The following MKNK2 variants were observed in gnomAD, a reference collection of about 807,000 sequenced individuals.
MKNK2 encodes MAPK interacting serine/threonine kinase 2.
A neutral mutation model predicts 55.0 loss-of-function variants in MKNK2; 54 were observed. The ratio of observed to expected loss-of-function variants is 0.98; its 90% confidence interval spans 0.79 to 1.23. The LOEUF (loss-of-function observed/expected upper bound fraction) is 1.23. Among genes scored for constraint, MKNK2 ranks in the 50% most tolerant of loss-of-function variants. The pLI, the probability that MKNK2 is intolerant of heterozygous loss-of-function variation, is 0.00. For missense variants in MKNK2, 685 were observed against 632.1 expected, an observed-to-expected ratio of 1.08 and a Z score of -0.90; for synonymous variants, 323 against 256.0, an observed-to-expected ratio of 1.26 and a Z score of -2.50.
chr19:2,049,020 T>C (rs2017057258), intron 2 of MKNK2, among the ~76,000 whole-genome samples: 1 of 151,482 alleles, frequency 6.6e-6, no homozygotes, highest in Non-Finnish European at 1.5e-5. Flanking sequence ...CTCACGAGAG[T>C]GAAATGACCT....
chr19:2,037,943 T>C lies in MKNK2; in HGVS notation c.*1670A>G, dbSNP rs1247747467. ...GGGGGTCCATTTGCTTGTTCTTTGA[T>C]ACAAAAAGGCAGAGAATCCCCCGTT... On this transcript the variant is annotated 3_prime_UTR_variant, in exon 14 of 14. Coordinates refer to ENST00000250896, the MANE Select transcript of MKNK2 (RefSeq NM_199054.3). 2.2e-6 allele frequency: 3 copies of C among 1,388,742 alleles called. No individual in the cohort carries two copies. The highest frequency in any genetic ancestry group is 2.6e-5 in the East Asian group (1 of 38,806). 86.0% of individuals were successfully genotyped at this position (1,388,742 alleles called of 1,614,324 possible). A position where few individuals can be genotyped will look rare whatever the true frequency, so the allele number is the denominator to read the frequency against.
At chr19:2,040,774 CTGCAGGCTGT>C (rs2016859923) in intron 12 of MKNK2, 1 of 520,846 alleles carries the variant, frequency 1.9e-6, no homozygotes, top group African/African-American at 1.9e-5. Flanking sequence ...CTCCAGCCTG[CTGCAGGCTGT>C]GGGTCCCCAC....
Position 2,038,193 on chromosome 19 carries a change from C to T in MKNK2, c.*1420G>A, listed in dbSNP as rs2016794628. ...TCTCCGAGGCCCCCACCCCCAGGCCCCCCGACATTCAAGTATTCTTCAAGA... is the reference window on the plus strand; with the variant it reads ...TCTCCGAGGCCCCCACCCCCAGGCCTCCCGACATTCAAGTATTCTTCAAGA... On this transcript the variant is annotated 3_prime_UTR_variant, in exon 14 of 14. Coordinates refer to ENST00000250896, the MANE Select transcript of MKNK2 (RefSeq NM_199054.3). 1 of 1,011,156 alleles carries T rather than the reference C, an allele frequency of 9.9e-7. No individual in the cohort carries two copies. The highest frequency in any genetic ancestry group is 1.2e-6 in the Non-Finnish European group (1 of 847,870). 62.6% of individuals were successfully genotyped at this position (1,011,156 alleles called of 1,614,324 possible).
Position 2,046,707 on chromosome 19 carries a change from G to A in MKNK2, c.52-16C>T, listed in dbSNP as rs2017009064. The A allele has an allele frequency of 1.1e-5, 16 of 1,501,772 alleles. No individual in the cohort carries two copies. The highest frequency in any genetic ancestry group is 1.4e-5 in the Non-Finnish European group (16 of 1,126,456). The allele number at this position is 1,501,772 out of a possible 1,614,324, so 93.0% of individuals were successfully genotyped here. ...GGTTCTGCCCCTGCAGGGGAGAGGA[G>A]AGGAGAGGCACTCAGGCCCCATCCC... On this transcript the variant is annotated splice_polypyrimidine_tract_variant and intron_variant, in intron 2 of 13. Coordinates refer to ENST00000250896, the MANE Select transcript of MKNK2 (RefSeq NM_199054.3).
At position 2,038,031 on chromosome 19, in the gene MKNK2, AC is replaced by A. The variant is rs998994019; in HGVS notation, c.*1581del. ...GGGAAAGGGGTGGGCGGAATGCCCC[AC>A]CCCCCCCAGGGGTCTTTGGAAGGGG... On this transcript the variant is annotated 3_prime_UTR_variant, in exon 14 of 14. Coordinates refer to ENST00000250896, the MANE Select transcript of MKNK2 (RefSeq NM_199054.3). 2.2e-4 allele frequency: 285 copies of A among 1,284,042 alleles called. No homozygotes were observed. The highest frequency in any genetic ancestry group is 6.3e-4 in the South Asian group (31 of 49,340). 79.5% of individuals were successfully genotyped at this position (1,284,042 alleles called of 1,614,324 possible).
At chr19:2,045,839 G>A (rs529826670) in intron 5 of MKNK2, among the ~76,000 whole-genome samples, 8 of 152,302 alleles carry the variant, frequency 5.3e-5, no homozygotes, top group South Asian at 2.1e-4. Context: ...GGGCTCTCAC[G>A]GGCCTGCACT....
rs371237877 is a variant in MKNK2, at chr19:2,046,409, T to G, written c.199A>C (p.Lys67Gln). 3.1e-6 allele frequency: 5 copies of G among 1,608,906 alleles called. No individual in the cohort carries two copies. Among genetic ancestry groups the G allele is most frequent in the Non-Finnish European group, 4.2e-6 (5 of 1,179,648 alleles). ...PDAKKRGKKK[K>Q]RGRATDSFSG... The stretch of plus-strand genomic sequence containing the variant: ...AAGCTGTCGGTGGCCCGGCCGCGCT[T>G]CTTCTTCTTGCCCCTCTTCTTGGCG... Residue 67 changes from lysine (K) to glutamine (Q), a missense_variant, in exon 4 of 14, where the codon AAG (lysine) becomes CAG (glutamine). Physicochemically the swap from Lys to Gln is moderately conservative, Grantham distance 53. Coordinates refer to ENST00000250896, the MANE Select transcript of MKNK2 (RefSeq NM_199054.3).
In MKNK2 at chr19:2,041,233, G is replaced by C. The variant is rs772925506; in HGVS notation, c.946-29C>G. 2.5e-6 allele frequency: 4 copies of C among 1,595,940 alleles called. No homozygotes were observed. In the African/African-American group the frequency reaches 4.0e-5, roughly 16 times the overall value. ...GGGACATAGAACACAGGGGAGCTTA[G>C]ACCTGCCCAAGGGCCTGGATACTGT... On this transcript the variant is annotated intron_variant, in intron 11 of 13. Transcript: ENST00000250896.
Position 2,042,860 on chromosome 19 carries a change from C to G in MKNK2, c.504G>C (p.Leu168=). 3 of 1,570,370 alleles carry G rather than the reference C, an allele frequency of 1.9e-6. No homozygotes were observed. In the South Asian group the frequency reaches 3.4e-5, roughly 18 times the overall value. ...AGTGCCGGCGCTTGTGGATGTGGCTCAGGATGGAGCCTGGGCAGGGCAGGG... is the reference window on the plus strand; with the variant it reads ...AGTGCCGGCGCTTGTGGATGTGGCTGAGGATGGAGCCTGGGCAGGGCAGGG... ...VFEKMRGGSI[L]SHIHKRRHFN... Residue 168 remains leucine, a synonymous_variant, in exon 8 of 14, where the codon CTG becomes CTC. Transcript: ENST00000250896.
rs766493929 is a variant in MKNK2 at position 2,040,101 on chromosome 19, C to T, written c.1154+33G>A. 18 of 1,573,348 alleles carry T rather than the reference C, an allele frequency of 1.1e-5. No individual in the cohort carries two copies. In the African/African-American group the frequency reaches 2.4e-4, roughly 21 times the overall value. ...TAACCTGGAAACCCCGCCCCCTGGA[C>T]TCAGGGGTCCCGAGCACCCCTGCGG... On this transcript the variant is annotated intron_variant, in intron 13 of 13. Transcript: ENST00000250896.
intron 10 of MKNK2, 79 bp downstream of exon 10, chr19:2,042,348 C>G: frequency 1.5e-6 from 2 of 1,304,350 alleles, no homozygotes. Context: ...CCTGGAGCTG[C>G]TGGATGGCCC....
intron 3 of MKNK2, 36 bp downstream of exon 3, chr19:2,046,568 G>C: frequency 1.3e-6 from 2 of 1,553,522 alleles, no homozygotes; most frequent in Non-Finnish European, 1.7e-6. Flanking sequence ...AGCGACAGCA[G>C]CTGCCCTGTG....
Position 2,039,329 on chromosome 19 carries a change from C to A in MKNK2, c.*284G>T. 1 of 1,309,906 alleles carries A rather than the reference C, an allele frequency of 7.6e-7. No individual in the cohort carries two copies. Among genetic ancestry groups the A allele is most frequent in the Non-Finnish European group, 9.7e-7 (1 of 1,026,778 alleles). 81.1% of individuals were successfully genotyped at this position (1,309,906 alleles called of 1,614,324 possible). On this transcript the variant is annotated 3_prime_UTR_variant, in exon 14 of 14. Transcript: ENST00000250896. ...TAGTAGAGGTGAGCAGGGCGGGGGA[C>A]CGGGGAGGGGACAAGCCCACCCACC... is the stretch of plus-strand genomic sequence containing the variant.
At chr19:2,051,006 C>T (rs1261258417) in intron 1 of MKNK2, 59 bp from the exon 2 acceptor site, 1 of 421,642 alleles carries the variant, frequency 2.4e-6, no homozygotes, top group Non-Finnish European at 4.0e-6. Context: ...GCCAGGAGCG[C>T]GGACCGGGCG....
chr19:2,042,858 C>T lies in MKNK2; in HGVS notation c.506G>A (p.Ser169Asn). 6.4e-7 allele frequency: 1 copy of T among 1,571,028 alleles called. No individual in the cohort carries two copies. Among genetic ancestry groups the T allele is most frequent in the Non-Finnish European group, 8.6e-7 (1 of 1,158,662 alleles). ...FEKMRGGSIL[S>N]HIHKRRHFNE... is the part of the protein sequence containing the mutation. ...GAAGTGCCGGCGCTTGTGGATGTGG[C>T]TCAGGATGGAGCCTGGGCAGGGCAG... is the stretch of plus-strand genomic sequence containing the variant. The change falls in exon 8 of 14, where the codon AGC becomes AAC. Residue 169 changes from serine to asparagine, a missense_variant. Ser to Asn is a conservative substitution (Grantham distance 46, BLOSUM62 1). Coordinates refer to ENST00000250896, the MANE Select transcript of MKNK2 (RefSeq NM_199054.3).
intron 11 of MKNK2, 42 bp from the exon 12 acceptor site, chr19:2,041,246 G>T (rs775205362): frequency 1.3e-6 from 2 of 1,578,780 alleles, no homozygotes; most frequent in Admixed American, 1.7e-5. Flanking sequence ...CTGCCCAAGG[G>T]CCTGGATACT....
At chr19:2,039,929 C>T in intron 13 of MKNK2, 73 bp from the exon 14 acceptor site, 2 of 1,522,058 alleles carry the variant, frequency 1.3e-6, no homozygotes, top group Non-Finnish European at 1.8e-6. Context: ...TGTGAAGGCC[C>T]TGGGGGAAGG....
In MKNK2 at chr19:2,038,018, G is replaced by A; in HGVS notation, c.*1595C>T. On this transcript the variant is annotated 3_prime_UTR_variant, in exon 14 of 14. Coordinates refer to ENST00000250896, the MANE Select transcript of MKNK2 (RefSeq NM_199054.3). ...CGAGAAGTGATGGGGGAAAGGGGTG[G>A]GCGGAATGCCCCACCCCCCCCAGGG... The A allele has an allele frequency of 6.0e-6, 8 of 1,336,152 alleles. No homozygotes were observed. The highest frequency in any genetic ancestry group is 7.7e-6 in the Non-Finnish European group (8 of 1,035,484). The allele number at this position is 1,336,152 out of a possible 1,614,324, so 82.8% of individuals were successfully genotyped here. A position where few individuals can be genotyped will look rare whatever the true frequency, so the allele number is the denominator to read the frequency against.
intron 12 of MKNK2, chr19:2,040,613 G>GCAGCT: frequency 3.8e-6 from 1 of 265,100 alleles, no homozygotes; most frequent in Non-Finnish European, 7.3e-6. Flanking sequence ...CCCTGGGGTG[G>GCAGCT]CAGCTCAGCT....
Sources: gnomAD v4.1 joint callset for allele counts (sites outside exome capture counted in the v4.1 genomes callset) on GRCh38, gnomAD v4.1.1 for gene constraint, MANE v1.5 for transcripts, NCBI Gene and HGNC (gene_info 2026-07-23, HGNC 2026-07-21) for gene names.